The following MPDZ variants were observed in gnomAD, a reference collection of about 807,000 sequenced individuals.
MPDZ encodes multiple PDZ domain crumbs cell polarity complex component.
A neutral mutation model predicts 239.1 loss-of-function variants in MPDZ; 234 were observed. That is an observed-to-expected ratio of 0.98 (90% confidence interval 0.88 to 1.09). The LOEUF (loss-of-function observed/expected upper bound fraction) is 1.09. MPDZ is among the 50% of genes least tolerant of loss of function. MPDZ has a pLI of 0.00. For synonymous variants in MPDZ, 1,048 were observed against 881.3 expected (o/e 1.19, Z -3.35); for missense variants, 3,175 against 2,510.0 (o/e 1.26, Z -5.66).
chr9:13,260,454 G>C (rs1453567596), intron 1 of MPDZ, among the ~76,000 whole-genome samples: 7 of 152,162 alleles, frequency 4.6e-5, no homozygotes, highest in Non-Finnish European at 1.0e-4. Flanking sequence ...TGTCAGTGTT[G>C]TGACTATTCT....
At chr9:13,139,905 T>C in intron 28 of MPDZ, 82 bp downstream of exon 28, 2 of 1,525,950 alleles carry the variant, frequency 1.3e-6, no homozygotes, top group Non-Finnish European at 1.8e-6. Flanking sequence ...ACATACTTAC[T>C]TATCCAGGGC....
At position 13,223,703 on chromosome 9, in the gene MPDZ, T is replaced by C. The variant is rs2136355303; in HGVS notation, c.401A>G (p.His134Arg). ...QLIKNMAQGR[H>R]VEVFELLKPP... ...TTTGAGGAGCTCAAAAACTTCTACA[T>C]GGCGACCCTGTTTAGGAAACAAAGC... The change falls in exon 5 of 47, where the codon CAT becomes CGT. Residue 134 changes from histidine to arginine, a missense_variant. Coordinates refer to ENST00000319217, the MANE Select transcript of MPDZ (RefSeq NM_001378778.1). The C allele has an allele frequency of 6.2e-7, 1 of 1,600,728 alleles. No homozygotes were observed. Among genetic ancestry groups the C allele is most frequent in the Non-Finnish European group, 8.5e-7 (1 of 1,173,296 alleles).
At chr9:13,152,179 G>A (rs912016488) in intron 24 of MPDZ, among the ~76,000 whole-genome samples, 2 of 152,130 alleles carry the variant, frequency 1.3e-5, no homozygotes, top group African/African-American at 4.8e-5. Flanking sequence ...TGTAGAAGGA[G>A]AAGTCATTCT....
At chr9:13,123,734 T>C (rs1197362096) in intron 35 of MPDZ, among the ~76,000 whole-genome samples, 2 of 152,174 alleles carry the variant, frequency 1.3e-5, no homozygotes, top group Non-Finnish European at 2.9e-5. Flanking sequence ...AGAAGTACAT[T>C]CAGGGAATAC....
chr9:13,175,727 T>C (rs780410788), intron 21 of MPDZ, 25 bp downstream of exon 21: 29 of 1,558,586 alleles, frequency 1.9e-5, no homozygotes, highest in Non-Finnish European at 2.5e-5. Context: ...GAGGAGTAGG[T>C]ATATGAGGAA....
At chr9:13,264,000 A>T (rs953498501) in intron 1 of MPDZ, among the ~76,000 whole-genome samples, 3 of 152,198 alleles carry the variant, frequency 2.0e-5, no homozygotes, top group African/African-American at 4.8e-5. Flanking sequence ...CCAAGAATCC[A>T]CATACTTTAA....
chr9:13,219,090 C>G (rs1004836828), intron 8 of MPDZ, among the ~76,000 whole-genome samples: 2 of 151,740 alleles, frequency 1.3e-5, no homozygotes, highest in Non-Finnish European at 2.9e-5. Flanking sequence ...TTTAGTAAGC[C>G]TTATTCATAC....
At chr9:13,233,643 C>A (rs894241247) in intron 3 of MPDZ, among the ~76,000 whole-genome samples, 2 of 152,070 alleles carry the variant, frequency 1.3e-5, no homozygotes, top group Non-Finnish European at 2.9e-5. Flanking sequence ...TATGTTATTT[C>A]TCAAGTTTTC....
At chr9:13,231,823 T>A (rs1177185378) in intron 3 of MPDZ, among the ~76,000 whole-genome samples, 4 of 151,936 alleles carry the variant, frequency 2.6e-5, no homozygotes, top group Non-Finnish European at 2.9e-5. Context: ...ATCATAAACA[T>A]AAATAGAAAA....
intron 3 of MPDZ, among the ~76,000 whole-genome samples, chr9:13,245,832 G>A (rs1966466449): frequency 6.6e-6 from 1 of 152,042 alleles, no homozygotes; most frequent in African/African-American, 2.4e-5. Flanking sequence ...AAGCTTAATA[G>A]GCCGGCCTAT....
rs139625486 is a variant in MPDZ, at chr9:13,126,609, G to C, written c.4558-19C>G. 1,820 of 1,610,428 alleles carry C rather than the reference G, an allele frequency of 1.1e-3. 22 individuals carry two copies. The African/African-American group carries it at 0.021, about 19-fold the overall frequency. On this transcript the variant is annotated intron_variant, in intron 33 of 46. Transcript: ENST00000319217. Reference sequence around the variant, plus strand: ...GTCCATCCTAAATGGAAACGTAGAAGAATTTGAGTGATATTCCAAAAGTAA... The same window carrying C: ...GTCCATCCTAAATGGAAACGTAGAACAATTTGAGTGATATTCCAAAAGTAA...
chr9:13,209,861 G>C (rs1268279829), intron 10 of MPDZ, among the ~76,000 whole-genome samples: 2 of 151,836 alleles, frequency 1.3e-5, no homozygotes, highest in Non-Finnish European at 2.9e-5. Flanking sequence ...ATAGCTCAGA[G>C]GAAAAGAATA....
In MPDZ at chr9:13,256,419, A is replaced by G. The variant is rs113477107; in HGVS notation, c.-57-6047T>C. Among the ~76,000 whole-genome samples the G allele has an allele frequency of 1.6e-3, 247 of 152,342 alleles. 2 individuals carry two copies. The highest frequency in any genetic ancestry group is 5.4e-3 in the African/African-American group (226 of 41,582). On this transcript the variant is annotated intron_variant, in intron 1 of 46. Transcript: ENST00000319217. ...GTTTGGCACAACACACTTAGCTTTC[A>G]GCCTATCTCTACTTTCAACATGCCT... is the stretch of plus-strand genomic sequence containing the variant.
chr9:13,179,119 G>C (rs926186253), intron 19 of MPDZ, among the ~76,000 whole-genome samples: 1 of 151,970 alleles, frequency 6.6e-6, no homozygotes, highest in Non-Finnish European at 1.5e-5. Context: ...ACAAAGAATT[G>C]AGGCAAGTGG....
chr9:13,149,538 T>C (rs1030090961), intron 25 of MPDZ, among the ~76,000 whole-genome samples: 3 of 152,086 alleles, frequency 2.0e-5, no homozygotes, highest in Non-Finnish European at 4.4e-5. Context: ...AATAAAATTA[T>C]GCTTATCCCA....
At chr9:13,123,377 C>A in intron 35 of MPDZ, 79 bp from the exon 36 acceptor site, 3 of 1,270,378 alleles carry the variant, frequency 2.4e-6, no homozygotes, top group Non-Finnish European at 2.2e-6. Context: ...CACAGATTGA[C>A]TCTGAGGGAT....
chr9:13,263,279 C>T (rs1305055201), intron 1 of MPDZ, among the ~76,000 whole-genome samples: 1 of 150,988 alleles, frequency 6.6e-6, no homozygotes, highest in Non-Finnish European at 1.5e-5. Context: ...TTCATAATAA[C>T]TATTACAAAA....
intron 10 of MPDZ, among the ~76,000 whole-genome samples, chr9:13,216,137 T>C (rs1391147366): frequency 1.3e-5 from 2 of 151,578 alleles, no homozygotes; most frequent in African/African-American, 4.8e-5. Context: ...GCAGGGTCTC[T>C]TGAATTTCTG....
intron 27 of MPDZ, 96 bp from the exon 28 acceptor site, chr9:13,140,245 G>C: frequency 8.4e-7 from 1 of 1,189,892 alleles, no homozygotes; most frequent in East Asian, 2.4e-5. Flanking sequence ...ACAAAGACTG[G>C]CTTTAAAATA....
Sources: gnomAD v4.1 joint callset for allele counts (sites outside exome capture counted in the v4.1 genomes callset) on GRCh38, gnomAD v4.1.1 for gene constraint, MANE v1.5 for transcripts, NCBI Gene and HGNC (gene_info 2026-07-23, HGNC 2026-07-21) for gene names.